Variants in CSGALNACT1 observed in about 807,000 individuals in gnomAD.
The protein encoded by CSGALNACT1 is chondroitin sulfate N-acetylgalactosaminyltransferase 1.
Under a neutral mutation model 51.0 loss-of-function variants are expected in CSGALNACT1, and 52 were observed. That is an observed-to-expected ratio of 1.02 (90% CI 0.82 to 1.29). The LOEUF is 1.29. Ranked by LOEUF, CSGALNACT1 falls within the 50% of genes most tolerant of loss-of-function variation. The pLI is 0.00. For missense variants in CSGALNACT1, 935 were observed against 679.2 expected, an observed-to-expected ratio of 1.38 and a Z score of -4.19; for synonymous variants, 341 against 254.4, an observed-to-expected ratio of 1.34 and a Z score of -3.24.
At chr8:19,515,684 C>G (rs947927095) in intron 3 of CSGALNACT1, among the ~76,000 whole-genome samples, 3 of 152,180 alleles carry the variant, frequency 2.0e-5, no homozygotes, top group Admixed American at 2.0e-4. Context: ...CAACCACAAG[C>G]ACCAAAAGGT....
intron 4 of CSGALNACT1, among the ~76,000 whole-genome samples, chr8:19,477,527 T>C (rs917248494): frequency 1.3e-5 from 2 of 152,202 alleles, no homozygotes; most frequent in African/African-American, 4.8e-5. Flanking sequence ...CTTGGCATAC[T>C]CTCTAATATA....
exon 10 of CSGALNACT1, chr8:19,405,419 A>T (rs1364348830): frequency 2.1e-6 from 1 of 470,452 alleles, no homozygotes; most frequent in Non-Finnish European, 4.2e-6. Flanking sequence ...CTTTCATGCT[A>T]ATGAATTTTT....
intron 3 of CSGALNACT1, among the ~76,000 whole-genome samples, chr8:19,509,589 T>C (rs1317522880): frequency 1.7e-5 from 2 of 120,202 alleles, no homozygotes; most frequent in African/African-American, 6.5e-5. Flanking sequence ...ACCACTGCAC[T>C]CCAGCCTGGG....
At chr8:19,616,688 C>T (rs1186264551) in intron 1 of CSGALNACT1, among the ~76,000 whole-genome samples, 1 of 152,110 alleles carries the variant, frequency 6.6e-6, no homozygotes, top group South Asian at 2.1e-4. Context: ...CTCATTCTCT[C>T]TCTCTCTCTC....
chr8:19,626,689 C>G (rs749843544), intron 1 of CSGALNACT1, among the ~76,000 whole-genome samples: 5 of 152,224 alleles, frequency 3.3e-5, no homozygotes, highest in African/African-American at 7.2e-5. Flanking sequence ...TGACTAAGGA[C>G]TTGCTTTCAG....
chr8:19,517,323 C>A (rs2079750561), intron 3 of CSGALNACT1, among the ~76,000 whole-genome samples: 1 of 152,008 alleles, frequency 6.6e-6, no homozygotes, highest in South Asian at 2.1e-4. Context: ...GCCTGTAATC[C>A]CAGTTGCTCG....
At chr8:19,409,506 G>T (rs200015901) in intron 8 of CSGALNACT1, among the ~76,000 whole-genome samples, 25,987 of 150,260 alleles carry the variant, frequency 0.17, 2,383 homozygotes, top group Admixed American at 0.26. Context: ...TATATAGAGA[G>T]AGAGAGAGAG....
In CSGALNACT1 at chr8:19,521,710, C is replaced by T. The variant is rs2080754317; in HGVS notation, c.-296-15580G>A. ...GAATAGCGCCAGGGTTTAACATGTA[C>T]ATTTCTGAGGATGGAGCTGCCACTG... On this transcript the variant is annotated intron_variant, in intron 3 of 9. Coordinates refer to ENST00000454498, the Ensembl canonical transcript of CSGALNACT1. Among the ~76,000 whole-genome samples the T allele has an allele frequency of 2.0e-5, 3 of 152,130 alleles. No individual in the cohort carries two copies. In the South Asian group the frequency reaches 6.2e-4, roughly 31 times the overall value.
At chr8:19,463,260 T>C (rs1162407118) in intron 4 of CSGALNACT1, among the ~76,000 whole-genome samples, 3 of 152,224 alleles carry the variant, frequency 2.0e-5, no homozygotes, top group African/African-American at 7.2e-5. Context: ...GCTTCGCTAT[T>C]GTGAATAGCA....
At chr8:19,721,775 C>T (rs898793818) in intron 1 of CSGALNACT1, among the ~76,000 whole-genome samples, 11 of 152,150 alleles carry the variant, frequency 7.2e-5, no homozygotes, top group South Asian at 2.1e-4. Flanking sequence ...ATGAACTGCA[C>T]GATATATGCA....
At chr8:19,571,395 T>G (rs2042991675) in intron 3 of CSGALNACT1, among the ~76,000 whole-genome samples, 1 of 151,876 alleles carries the variant, frequency 6.6e-6, no homozygotes, top group Non-Finnish European at 1.5e-5. Flanking sequence ...GAATTGTTAC[T>G]GACTTAAGCC....
intron 3 of CSGALNACT1, among the ~76,000 whole-genome samples, chr8:19,556,234 G>C (rs902663571): frequency 5.3e-5 from 8 of 150,726 alleles, no homozygotes; most frequent in African/African-American, 1.7e-4. Context: ...AAGTTAGCTG[G>C]GCATGGTGGT....
At chr8:19,658,781 C>A (rs770742066) in intron 1 of CSGALNACT1, among the ~76,000 whole-genome samples, 3 of 152,136 alleles carry the variant, frequency 2.0e-5, no homozygotes, top group Admixed American at 6.6e-5. Flanking sequence ...CAAGCAACAG[C>A]TATGCTTCTC....
intron 1 of CSGALNACT1, among the ~76,000 whole-genome samples, chr8:19,708,457 C>T (rs776030632): frequency 7.9e-5 from 12 of 152,148 alleles, no homozygotes; most frequent in African/African-American, 1.9e-4. Context: ...ATATTCACAG[C>T]GGCACACTGT....
intron 1 of CSGALNACT1, among the ~76,000 whole-genome samples, chr8:19,673,756 G>A (rs759084843): frequency 3.3e-5 from 5 of 152,154 alleles, no homozygotes; most frequent in African/African-American, 4.8e-5. Context: ...TTTCTGCAGC[G>A]TTCTTTTGAA....
At chr8:19,662,079 C>CCCCCCCCCCCCCCCCCCA (rs2058804204) in intron 1 of CSGALNACT1, among the ~76,000 whole-genome samples, 1 of 71,306 alleles carries the variant, frequency 1.4e-5, no homozygotes, top group Non-Finnish European at 3.2e-5. Flanking sequence ...CCCCCACCCC[C>CCCCCCCCCCCCCCCCCCA]CCCCCCCCCC....
chr8:19,544,942 A>G (rs1330244811), intron 3 of CSGALNACT1, among the ~76,000 whole-genome samples: 1 of 152,170 alleles, frequency 6.6e-6, no homozygotes, highest in East Asian at 1.9e-4. Context: ...TTCAAAAAGG[A>G]GAAGTTTTCA....
At chr8:19,517,328 T>C (rs1167823824) in intron 3 of CSGALNACT1, among the ~76,000 whole-genome samples, 3 of 152,098 alleles carry the variant, frequency 2.0e-5, no homozygotes, top group African/African-American at 4.8e-5. Flanking sequence ...TAATCCCAGT[T>C]GCTCGGGAGG....
intron 1 of CSGALNACT1, among the ~76,000 whole-genome samples, chr8:19,742,470 G>A (rs1054672780): frequency 4.6e-5 from 7 of 152,214 alleles, no homozygotes; most frequent in Non-Finnish European, 7.3e-5. Context: ...GAATATGCAA[G>A]ATGCCAGGCC....
Sources: gnomAD v4.1 joint callset for allele counts (sites outside exome capture counted in the v4.1 genomes callset) on GRCh38, gnomAD v4.1.1 for gene constraint, MANE v1.5 for transcripts, NCBI Gene and HGNC (gene_info 2026-07-23, HGNC 2026-07-21) for gene names.